The following AHCTF1 variants were observed in gnomAD, a reference collection of about 807,000 sequenced individuals.
AHCTF1 encodes protein ELYS.
AHCTF1 carries 24 observed loss-of-function variants against 248.4 expected under a neutral mutation model. The observed-to-expected ratio is 0.10, with a 90% CI of 0.07 to 0.14. The LOEUF is 0.14. AHCTF1 is among the 10% of genes least tolerant of loss of function. The pLI, the probability that AHCTF1 is intolerant of heterozygous loss-of-function variation, is 1.00. For missense variants in AHCTF1, 2,206 were observed against 2,636.2 expected (o/e 0.84, Z 3.57); for synonymous variants, 786 against 929.8 (o/e 0.85, Z 2.81).
chr1:246,930,552 G>A (rs759257715), intron 1 of AHCTF1, among the ~76,000 whole-genome samples: 9 of 150,740 alleles, frequency 6.0e-5, no homozygotes, highest in Non-Finnish European at 8.8e-5. Context: ...TCTCCTAAGA[G>A]ACTCTATCAG....
chr1:246,845,919 G>A lies in AHCTF1; in HGVS notation c.6392-1991C>T, dbSNP rs143228130. 4.2e-3 allele frequency among the ~76,000 whole-genome samples: 634 copies of A among 151,830 alleles called. 21 individuals are homozygous for A. In the South Asian group the frequency reaches 0.079, roughly 19 times the overall value. ...CAAGTTCTTGGATATTTAACAATTG[G>A]CTCTTACCAGCCAGTAGTAGCAGTA... On this transcript the variant is annotated intron_variant, in intron 33 of 35. Transcript: ENST00000648844.
In AHCTF1 at chr1:246,894,518, G is replaced by A. The variant is rs913511331; in HGVS notation, c.1804+141C>T. On this transcript the variant is annotated intron_variant, in intron 14 of 35. Coordinates refer to ENST00000648844, the MANE Select transcript of AHCTF1 (RefSeq NM_001323342.2). The stretch of plus-strand genomic sequence containing the variant: ...AGATCGCGCCACTGCACTATAGCCT[G>A]GCGACAGAGCAAGACTCAGTCTCAA... 1.7e-5 allele frequency: 12 copies of A among 689,426 alleles called. No individual in the cohort carries two copies. In the Admixed American group the frequency reaches 2.7e-4, roughly 15 times the overall value. The allele number at this position is 689,426 out of a possible 1,614,324, so 42.7% of individuals were successfully genotyped here.
chr1:246,887,371 G>A lies in AHCTF1; in HGVS notation c.2326-14C>T. On this transcript the variant is annotated splice_polypyrimidine_tract_variant and intron_variant, in intron 19 of 35. Coordinates refer to ENST00000648844, the MANE Select transcript of AHCTF1 (RefSeq NM_001323342.2). ...CAAATAAATGGTCTTTTAAAAAGCG[G>A]ATTAAGGACAATAAAATACAACAAC... is the stretch of plus-strand genomic sequence containing the variant. 1 of 1,598,280 alleles carries A rather than the reference G, an allele frequency of 6.3e-7. No individual in the cohort carries two copies. The highest frequency in any genetic ancestry group is 8.5e-7 in the Non-Finnish European group (1 of 1,173,342).
chr1:246,923,733 G>C (rs952378937), intron 1 of AHCTF1, among the ~76,000 whole-genome samples: 1 of 139,616 alleles, frequency 7.2e-6, no homozygotes, highest in Non-Finnish European at 1.6e-5. Flanking sequence ...AAATGTGTGC[G>C]TGCATGCGTG....
At chr1:246,868,959 C>G (rs1048980762) in intron 24 of AHCTF1, among the ~76,000 whole-genome samples, 1 of 151,168 alleles carries the variant, frequency 6.6e-6, no homozygotes, top group Admixed American at 6.6e-5. Flanking sequence ...ATTCTCCTGC[C>G]TCAGCCTGCT....
chr1:246,869,235 C>T (rs1662367277), intron 24 of AHCTF1, among the ~76,000 whole-genome samples: 1 of 152,094 alleles, frequency 6.6e-6, no homozygotes, highest in African/African-American at 2.4e-5. Flanking sequence ...CGTGTACTTA[C>T]TCCACTGACT....
chr1:246,889,536 T>C (rs1664069397), intron 17 of AHCTF1, among the ~76,000 whole-genome samples: 1 of 152,216 alleles, frequency 6.6e-6, no homozygotes, highest in South Asian at 2.1e-4. Context: ...CTCTCCTAAA[T>C]TGGTCATTCT....
In AHCTF1 at chr1:246,905,569, A is replaced by C; in HGVS notation, c.853T>G (p.Leu285Val). 1 of 1,612,276 alleles carries C rather than the reference A, an allele frequency of 6.2e-7. No individual in the cohort carries two copies. Among genetic ancestry groups the C allele is most frequent in the Non-Finnish European group, 8.5e-7 (1 of 1,179,938 alleles). The change falls in exon 6 of 36, where the codon TTG becomes GTG. Residue 285 changes from leucine to valine, a missense_variant. Physicochemically the swap from Leu to Val is conservative, Grantham distance 32 (BLOSUM62 1). This residue lies in a region of AHCTF1 where 650 missense variants were observed against 870.8 expected (regional missense o/e 0.75). Transcript: ENST00000648844. The stretch of plus-strand genomic sequence containing the variant: ...TCTTGTGTAGACTGAACAGCCCACA[A>C]GTAACAGCAATTCCGAGGATCATTC... The part of the protein sequence containing the change: ...PENDPRNCCY[L>V]WAVQSTQDSE...
chr1:246,869,823 C>T (rs1170923034), intron 24 of AHCTF1, among the ~76,000 whole-genome samples: 1 of 152,166 alleles, frequency 6.6e-6, no homozygotes, highest in Non-Finnish European at 1.5e-5. Context: ...CATGAAAACA[C>T]AACATCCATT....
At position 246,913,691 on chromosome 1, in the gene AHCTF1, G is replaced by A. The variant is rs1665959175; in HGVS notation, c.376-279C>T. ...CATTGTGTTACCTGGCTCATTCAATGTTCATGACAATGCTTTGATAGTAGA... is the reference window on the plus strand; with the variant it reads ...CATTGTGTTACCTGGCTCATTCAATATTCATGACAATGCTTTGATAGTAGA... On this transcript the variant is annotated intron_variant, in intron 3 of 35. Coordinates refer to ENST00000648844, the MANE Select transcript of AHCTF1 (RefSeq NM_001323342.2). 2.6e-5 allele frequency among the ~76,000 whole-genome samples: 4 copies of A among 152,168 alleles called. 1 individual carries two copies. In the South Asian group the frequency reaches 8.3e-4, roughly 31 times the overall value.
intron 31 of AHCTF1, 88 bp downstream of exon 31, chr1:246,855,642 C>T (rs1661059279): frequency 6.7e-6 from 7 of 1,038,836 alleles, no homozygotes; most frequent in Admixed American, 4.5e-5. Flanking sequence ...CTGAATAACA[C>T]AATAGATTAT....
Position 246,891,863 on chromosome 1 carries a change from T to C in AHCTF1, c.1861A>G (p.Ile621Val), listed in dbSNP as rs1664229511. 3 of 1,600,404 alleles carry C rather than the reference T, an allele frequency of 1.9e-6. No homozygotes were observed. The highest frequency in any genetic ancestry group is 2.6e-6 in the Non-Finnish European group (3 of 1,175,904). Residue 621 changes from isoleucine (I) to valine (V), a missense_variant, in exon 15 of 36, where the codon ATC becomes GTC. Transcript: ENST00000648844. ...HFMDPQTIQSIQQCYLLLSNL... is the reference protein window; with the variant it reads ...HFMDPQTIQSVQQCYLLLSNL... ...CTAAGAAGCAAATAGCATTGCTGGATAGACTGTATAGTTTGTGGATCCATG... is the reference window on the plus strand; with the variant it reads ...CTAAGAAGCAAATAGCATTGCTGGACAGACTGTATAGTTTGTGGATCCATG...
rs1660594933 is a variant in AHCTF1, at chr1:246,850,152, A to G, written c.5854T>C (p.Ser1952Pro). 6.2e-7 allele frequency: 1 copy of G among 1,613,818 alleles called. No homozygotes were observed. The highest frequency in any genetic ancestry group is 1.3e-5 in the African/African-American group (1 of 74,926). ...EVSPSDVRED[S>P]NLESSQLTVQ... ...GTCAACTGAGATGACTCAAGGTTGGAGTCTTCTCTCACATCTGATGGACTA... is the reference window on the plus strand; with the variant it reads ...GTCAACTGAGATGACTCAAGGTTGGGGTCTTCTCTCACATCTGATGGACTA... Residue 1952 changes from serine to proline, a missense_variant, in exon 33 of 36, where the codon TCC becomes CCC. Physicochemically the swap from Ser to Pro is moderately conservative, Grantham distance 74. Coordinates refer to ENST00000648844, the MANE Select transcript of AHCTF1 (RefSeq NM_001323342.2).
chr1:246,876,136 A>G lies in AHCTF1; in HGVS notation c.2989T>C (p.Leu997=), dbSNP rs536824683. 22 of 1,607,410 alleles carry G rather than the reference A, an allele frequency of 1.4e-5. 1 individual carries two copies. In the South Asian group the frequency reaches 1.9e-4, roughly 14 times the overall value. The change falls in exon 24 of 36, where the codon TTA becomes CTA. Residue 997 remains leucine (L), a synonymous_variant. Transcript: ENST00000648844. ...GGAAGGATTTTTCCATACTGGTCTA[A>G]TATAGAATTTCGAGCCAGTGATCTC... ...RERSLARNSI[L]DQYGKILPRV...
In AHCTF1 at chr1:246,902,558, A is replaced by G. The variant is rs1380246631; in HGVS notation, c.1084T>C (p.Ser362Pro). ...ACGCCTTCCTCCCTGTCACCATGAGATCGAAATTTCTCTATACTCTGGCAT... is the reference window on the plus strand; with the variant it reads ...ACGCCTTCCTCCCTGTCACCATGAGGTCGAAATTTCTCTATACTCTGGCAT... ...LGCQSIEKFRSHGDREEGVNE... is the reference protein window; with the variant it reads ...LGCQSIEKFRPHGDREEGVNE... The change falls in exon 8 of 36, where the codon TCT (serine) becomes CCT (proline). Residue 362 changes from serine (S) to proline (P), a missense_variant. This residue lies in a region of AHCTF1 where 650 missense variants were observed against 870.8 expected (regional missense o/e 0.75). Coordinates refer to ENST00000648844, the MANE Select transcript of AHCTF1 (RefSeq NM_001323342.2). 1 of 1,611,674 alleles carries G rather than the reference A, an allele frequency of 6.2e-7. No individual in the cohort carries two copies. The highest frequency in any genetic ancestry group is 1.1e-5 in the South Asian group (1 of 90,910).
intron 32 of AHCTF1, among the ~76,000 whole-genome samples, chr1:246,852,749 G>GTTTA (rs893737350): frequency 3.3e-5 from 5 of 152,068 alleles, no homozygotes; most frequent in South Asian, 2.1e-4. Flanking sequence ...ATGAAAACCA[G>GTTTA]TTTATTTATT....
At chr1:246,845,932 A>G (rs1475111089) in intron 33 of AHCTF1, among the ~76,000 whole-genome samples, 1 of 150,888 alleles carries the variant, frequency 6.6e-6, no homozygotes, top group East Asian at 2.0e-4. Context: ...CTTACCAGCC[A>G]GTAGTAGCAG....
chr1:246,903,558 G>C (rs973680043), intron 7 of AHCTF1, among the ~76,000 whole-genome samples: 2 of 151,836 alleles, frequency 1.3e-5, no homozygotes, highest in African/African-American at 2.4e-5. Flanking sequence ...AGCCAGGTGC[G>C]GTGGCTCACA....
At chr1:246,927,019 AG>A (rs1367108867) in intron 1 of AHCTF1, among the ~76,000 whole-genome samples, 13 of 151,694 alleles carry the variant, frequency 8.6e-5, no homozygotes, top group South Asian at 6.3e-4. Flanking sequence ...CTAAAAATAC[AG>A]AAACAAAATT....
Sources: gnomAD v4.1 joint callset for allele counts (sites outside exome capture counted in the v4.1 genomes callset) on GRCh38, gnomAD v4.1.1 for gene constraint, gnomAD v4.1.1 regional missense constraint, MANE v1.5 for transcripts, NCBI Gene and HGNC (gene_info 2026-07-23, HGNC 2026-07-21) for gene names.